The following ATM variants were observed in gnomAD, a reference collection of about 807,000 sequenced individuals.
ATM encodes the protein serine-protein kinase ATM.
Under a neutral mutation model 387.0 loss-of-function variants are expected in ATM, and 308 were observed. That is an observed-to-expected ratio of 0.80 (90% CI 0.73 to 0.87). The LOEUF is 0.87. Ranked by LOEUF, ATM falls within the 40% of genes least tolerant of loss-of-function variation. ATM has a pLI of 0.00. For synonymous variants in ATM, 1,156 were observed against 1,187.3 expected (o/e 0.97, Z 0.54); for missense variants, 3,312 against 3,560.9 (o/e 0.93, Z 1.78).
intron 33 of ATM, among the ~76,000 whole-genome samples, chr11:108,298,764 C>T (rs1330436484): frequency 3.9e-5 from 6 of 152,136 alleles, no homozygotes; most frequent in Admixed American, 2.0e-4. Flanking sequence ...TATTTACAGA[C>T]GACATGATCT....
chr11:108,360,346 C>T (rs2090574762), intron 61 of ATM, among the ~76,000 whole-genome samples: 3 of 151,094 alleles, frequency 2.0e-5, no homozygotes, highest in Admixed American at 6.6e-5. Flanking sequence ...GATGGATTCA[C>T]AGCTGAATTC....
rs939650649 is a variant in ATM, at chr11:108,250,875, A to T, written c.1410A>T (p.Ser470=). The T allele has an allele frequency of 6.2e-7, 1 of 1,614,206 alleles. No individual in the cohort carries two copies. Among genetic ancestry groups the T allele is most frequent in the South Asian group, 1.1e-5 (1 of 91,086 alleles). The change falls in exon 10 of 63, where the codon TCA becomes TCT. Residue 470 remains serine, a synonymous_variant. Coordinates refer to ENST00000675843, the MANE Select transcript of ATM (RefSeq NM_000051.4). ...TEVALCQDKR[S]NLESSQKSDL... is the part of the protein sequence containing the mutation. ...TTGCATTGTGTCAAGACAAGAGGTC[A>T]AACCTAGAAAGCTCACAAAAGTCAG...
chr11:108,317,616 TATATATATA>T, intron 43 of ATM, 95 bp downstream of exon 43: 1 of 9,618 alleles, frequency 1.0e-4, no homozygotes, highest in Non-Finnish European at 2.6e-4. Context: ...GGAGTTGTTT[TATATATATA>T]TATATATATA....
rs4988111 is a variant in ATM at position 108,327,664 on chromosome 11, T to G, written c.6995T>G (p.Leu2332Arg). Residue 2332 changes from leucine (L) to arginine (R), a missense_variant, in exon 48 of 63, where the codon CTT (leucine) becomes CGT (arginine). Around this residue, in one of 4 missense-constraint regions of ATM, gnomAD observed 1,405 missense variants for 1,604.4 expected, o/e 0.88. Transcript: ENST00000675843. ...SCAANNPSLK[L>R]TYTECLRVCG... is the part of the protein sequence containing the mutation. ...ATACAGAACAATCCCAGCCTAAAAC[T>G]TACATACACAGAATGTCTGAGGGTT... The G allele has an allele frequency of 6.2e-7, 1 of 1,613,912 alleles. No homozygotes were observed. The highest frequency in any genetic ancestry group is 8.5e-7 in the Non-Finnish European group (1 of 1,179,904).
At chr11:108,267,932 C>T (rs1352440957) in intron 17 of ATM, among the ~76,000 whole-genome samples, 3 of 152,156 alleles carry the variant, frequency 2.0e-5, no homozygotes, top group Non-Finnish European at 4.4e-5. Context: ...CCTGTAATGC[C>T]ATTGCTTTTA....
intron 61 of ATM, among the ~76,000 whole-genome samples, chr11:108,356,964 G>C (rs1314460497): frequency 2.0e-5 from 3 of 152,224 alleles, no homozygotes; most frequent in Admixed American, 2.0e-4. Flanking sequence ...AATAGGAACA[G>C]CTCCGGTATA....
At chr11:108,297,198 C>G in intron 32 of ATM, 89 bp from the exon 33 acceptor site, 1 of 1,111,986 alleles carries the variant, frequency 9.0e-7, no homozygotes, top group Non-Finnish European at 1.3e-6. Context: ...TAGAAGTTTT[C>G]TAGTCAGATA....
intron 52 of ATM, 37 bp from the exon 53 acceptor site, chr11:108,332,725 A>C: frequency 6.3e-7 from 1 of 1,598,344 alleles, no homozygotes; most frequent in Non-Finnish European, 8.5e-7. Flanking sequence ...AATGTTGGGT[A>C]GTTCCTTATG....
At position 108,277,062 on chromosome 11, in the gene ATM, C is replaced by T. The variant is rs532397383; in HGVS notation, c.3285-2429C>T. Among the ~76,000 whole-genome samples, 24 of 152,270 alleles carry T rather than the reference C, an allele frequency of 1.6e-4. No individual in the cohort carries two copies. In the East Asian group the frequency reaches 4.4e-3, roughly 28 times the overall value. ...CTGCCTGTCTTTCAGAGATACCCTG[C>T]CCAGAGAGGAGGAATCTAGAGAGGC... On this transcript the variant is annotated intron_variant, in intron 22 of 62. Coordinates refer to ENST00000675843, the MANE Select transcript of ATM (RefSeq NM_000051.4).
At chr11:108,315,774 A>T (rs1591775699) in intron 40 of ATM, 49 bp from the exon 41 acceptor site, 8 of 1,474,408 alleles carry the variant, frequency 5.4e-6, no homozygotes, top group Non-Finnish European at 7.6e-6. Context: ...CTAAATTTAT[A>T]GACCGATTTT....
chr11:108,315,290 A>G (rs984790600), intron 40 of ATM, among the ~76,000 whole-genome samples: 2 of 152,224 alleles, frequency 1.3e-5, no homozygotes, highest in African/African-American at 4.8e-5. Flanking sequence ...AATCTTATGC[A>G]ATTATGATTT....
intron 16 of ATM, among the ~76,000 whole-genome samples, chr11:108,261,361 C>A (rs1052690761): frequency 5.1e-4 from 78 of 152,240 alleles, no homozygotes; most frequent in Admixed American, 3.3e-3. Flanking sequence ...AGGCACCCCC[C>A]AGCAGGGGCA....
chr11:108,317,735 T>A lies in ATM; in HGVS notation c.6347+214T>A, dbSNP rs117867175. ...GTGTGTATATATATATAAAAAAATA[T>A]ATAGTAGATGTTGCAAGCTATAGAT... On this transcript the variant is annotated intron_variant, in intron 43 of 62. Transcript: ENST00000675843. Among the ~76,000 whole-genome samples, 15,562 of 148,240 alleles carry A rather than the reference T, an allele frequency of 0.1. 1,157 individuals carry two copies. Among genetic ancestry groups the A allele is most frequent in the Non-Finnish European group, 0.14 (9,730 of 67,252 alleles).
intron 57 of ATM, among the ~76,000 whole-genome samples, chr11:108,343,936 C>T (rs937481953): frequency 1.3e-5 from 2 of 152,190 alleles, no homozygotes; most frequent in African/African-American, 4.8e-5. Context: ...TGTATGTTTT[C>T]TGTCTACCAG....
intron 51 of ATM, 100 bp from the exon 52 acceptor site, chr11:108,331,779 T>C (rs957108091): frequency 1.4e-6 from 2 of 1,421,062 alleles, no homozygotes; most frequent in African/African-American, 2.8e-5. Flanking sequence ...CCCACTGCAG[T>C]ATCTAGACAG....
rs530540893 is a variant in ATM, at chr11:108,365,048, T to G, written c.8851-34T>G. 2.4e-5 allele frequency: 38 copies of G among 1,609,672 alleles called. 1 individual carries two copies. The South Asian group carries it at 3.3e-4, about 14-fold the overall frequency. ...TCTAAGTATGTGATTAAAATGTACA[T>G]TGTTCTTTTAATACATATGTTCTCT... is the stretch of plus-strand genomic sequence containing the variant. On this transcript the variant is annotated intron_variant, in intron 61 of 62. Transcript: ENST00000675843.
At chr11:108,282,931 C>A in intron 25 of ATM, 52 bp downstream of exon 25, 1 of 1,215,350 alleles carries the variant, frequency 8.2e-7, no homozygotes, top group Non-Finnish European at 1.2e-6. Context: ...AATTAGTTAA[C>A]AATACTTAGC....
At chr11:108,284,925 C>T (rs117254113) in intron 26 of ATM, among the ~76,000 whole-genome samples, 1 of 151,988 alleles carries the variant, frequency 6.6e-6, no homozygotes, top group Non-Finnish European at 1.5e-5. Context: ...CACTTATTAC[C>T]TTCTAATGTA....
chr11:108,235,051 T>C (rs2079198554), intron 4 of ATM, among the ~76,000 whole-genome samples: 1 of 152,050 alleles, frequency 6.6e-6, no homozygotes, highest in South Asian at 2.1e-4. Context: ...TGTTTAAGAA[T>C]GATTGCTTTT....
Sources: allele counts gnomAD v4.1 joint callset (sites outside exome capture counted in the v4.1 genomes callset), GRCh38; gene constraint gnomAD v4.1.1; regional missense constraint gnomAD v4.1.1; transcripts MANE v1.5; gene names NCBI Gene and HGNC (gene_info 2026-07-23, HGNC 2026-07-21).